The following ZDHHC19 variants were observed in gnomAD, a reference collection of about 807,000 sequenced individuals.
ZDHHC19 encodes palmitoyltransferase ZDHHC19.
ZDHHC19 carries 30 observed loss-of-function variants against 33.9 expected under a neutral mutation model. That is an observed-to-expected ratio of 0.88 (90% CI 0.66 to 1.20). The LOEUF (loss-of-function observed/expected upper bound fraction) is 1.20. Ranked by LOEUF, ZDHHC19 falls within the 50% of genes most tolerant of loss-of-function variation. ZDHHC19 has a pLI of 0.00. For synonymous variants in ZDHHC19, 178 were observed against 167.6 expected, an observed-to-expected ratio of 1.06 and a Z score of -0.48; for missense variants, 364 against 401.1, an observed-to-expected ratio of 0.91 and a Z score of 0.79.
In ZDHHC19 at chr3:196,208,633, G is replaced by C. The variant is rs1722977613; in HGVS notation, c.409-73C>G. 51 of 1,539,338 alleles carry C rather than the reference G, an allele frequency of 3.3e-5. No individual in the cohort carries two copies. The South Asian group carries it at 6.1e-4, about 18-fold the overall frequency. On this transcript the variant is annotated intron_variant, in intron 3 of 7. Coordinates refer to ENST00000296326, the MANE Select transcript of ZDHHC19 (RefSeq NM_001039617.2). ...CAAATTCCATCACCCCAAATCCTGA[G>C]GCCCTCCCCCTGCCTTCTAGGCCAC...
At chr3:196,202,682 T>G (rs545549169) in intron 5 of ZDHHC19, among the ~76,000 whole-genome samples, 13 of 152,278 alleles carry the variant, frequency 8.5e-5, no homozygotes, top group Admixed American at 7.8e-4. Flanking sequence ...GCGTGCAGTT[T>G]CACAAGCTCA....
In ZDHHC19 at chr3:196,198,818, A is replaced by G; in HGVS notation, c.744T>C (p.Tyr248=). ...PFDQGCASNW[Y]LTICAPLGPK... ...GTCCCAGTGGTGCACAAATTGTTAA[A>G]TACCAGTTGCTGGCACAGCCCTGGT... Residue 248 remains tyrosine (Y), a synonymous_variant, in exon 6 of 8, where the codon TAT becomes TAC. Coordinates refer to ENST00000296326, the MANE Select transcript of ZDHHC19 (RefSeq NM_001039617.2). 1 of 1,614,126 alleles carries G rather than the reference A, an allele frequency of 6.2e-7. No individual in the cohort carries two copies. Among genetic ancestry groups the G allele is most frequent in the East Asian group, 2.2e-5 (1 of 44,884 alleles).
chr3:196,205,818 C>G (rs1042834279), intron 5 of ZDHHC19, among the ~76,000 whole-genome samples: 3 of 152,102 alleles, frequency 2.0e-5, no homozygotes, highest in Admixed American at 6.6e-5. Flanking sequence ...TGCCACCATG[C>G]CTGGCTAATT....
In ZDHHC19 at chr3:196,206,766, C is replaced by T. The variant is rs150526315; in HGVS notation, c.687+632G>A. Among the ~76,000 whole-genome samples, 901 of 151,314 alleles carry T rather than the reference C, an allele frequency of 6.0e-3. 13 individuals are homozygous for T. The highest frequency in any genetic ancestry group is 0.02 in the African/African-American group (807 of 41,138). ...TACGATCTGGGCTCACTGCAAGCTC[C>T]GCCTCTCCGGTTCACGCCATTCCCC... On this transcript the variant is annotated intron_variant, in intron 5 of 7. Coordinates refer to ENST00000296326, the MANE Select transcript of ZDHHC19 (RefSeq NM_001039617.2).
intron 3 of ZDHHC19, chr3:196,208,804 C>A (rs531836337): frequency 1.2e-4 from 60 of 519,184 alleles, no homozygotes; most frequent in African/African-American, 1.1e-3. Flanking sequence ...AGAAGACTGG[C>A]CTGGCCTTCT....
At chr3:196,200,556 G>A (rs67751943) in intron 5 of ZDHHC19, among the ~76,000 whole-genome samples, 74,053 of 148,532 alleles carry the variant, frequency 0.5, 18,955 homozygotes, top group Middle Eastern at 0.54. Context: ...GGGTTTCACC[G>A]TGTTAGCCAG....
Position 196,209,564 on chromosome 3 carries a change from C to T in ZDHHC19, c.269-49G>A, listed in dbSNP as rs751830318. On this transcript the variant is annotated intron_variant, in intron 2 of 7. Coordinates refer to ENST00000296326, the MANE Select transcript of ZDHHC19 (RefSeq NM_001039617.2). ...ACAGCAGAAGGCCCTGCGGTCACCC[C>T]GCGGCGGGGGCAGCTCCACGGCATC... 1.2e-5 allele frequency: 19 copies of T among 1,591,100 alleles called. No individual in the cohort carries two copies. The East Asian group carries it at 2.0e-4, about 17-fold the overall frequency.
At chr3:196,200,510 A>G (rs1056491411) in intron 5 of ZDHHC19, among the ~76,000 whole-genome samples, 13 of 149,864 alleles carry the variant, frequency 8.7e-5, no homozygotes, top group East Asian at 3.9e-4. Flanking sequence ...GCTCGCCACC[A>G]CGCCCAGCTA....
Position 196,208,687 on chromosome 3 carries a change from C to A in ZDHHC19, c.409-127G>T, listed in dbSNP as rs527863612. On this transcript the variant is annotated intron_variant, in intron 3 of 7. Transcript: ENST00000296326. ...CCCTTGGCCCATGCACTGGCTTCCA[C>A]CCCCAGGGAGAAACTGAGCCACAGA... The A allele has an allele frequency of 1.3e-4, 138 of 1,097,666 alleles. 3 individuals carry two copies. In the East Asian group the frequency reaches 2.1e-3, roughly 17 times the overall value. 68.0% of individuals were successfully genotyped at this position (1,097,666 alleles called of 1,614,324 possible).
chr3:196,200,385 T>C lies in ZDHHC19; in HGVS notation c.688-1511A>G, dbSNP rs9877532. Among the ~76,000 whole-genome samples, 265 of 146,920 alleles carry C rather than the reference T, an allele frequency of 1.8e-3. 4 individuals carry two copies. The highest frequency in any genetic ancestry group is 4.5e-3 in the African/African-American group (180 of 39,998). On this transcript the variant is annotated intron_variant, in intron 5 of 7. Transcript: ENST00000296326. The stretch of plus-strand genomic sequence containing the variant: ...TTTTTTTTTTTTTGAGATGGAGTCT[T>C]GCTCTGTCACCCAGGCTGGAGTGCA...
chr3:196,202,079 G>A, intron 5 of ZDHHC19, among the ~76,000 whole-genome samples: 1 of 152,150 alleles, frequency 6.6e-6, no homozygotes, highest in Non-Finnish European at 1.5e-5. Context: ...AGCACTTTGG[G>A]AGGCCAAGAT....
At chr3:196,205,210 T>C (rs1383944106) in intron 5 of ZDHHC19, among the ~76,000 whole-genome samples, 5 of 152,246 alleles carry the variant, frequency 3.3e-5, no homozygotes, top group East Asian at 3.8e-4. Flanking sequence ...CCAGTGTTTA[T>C]AGCAGCTTTA....
chr3:196,210,388 A>AAAGAAAG, intron 2 of ZDHHC19, among the ~76,000 whole-genome samples: 1 of 148,142 alleles, frequency 6.8e-6, no homozygotes, highest in Non-Finnish European at 1.5e-5. Context: ...GAGAGGAAGG[A>AAAGAAAG]AGGAAAGAAA....
rs1021495305 is a variant in ZDHHC19, at chr3:196,211,389, C to T, written c.-74G>A. 15 of 1,515,158 alleles carry T rather than the reference C, an allele frequency of 9.9e-6. 1 individual carries two copies. The highest frequency in any genetic ancestry group is 1.3e-5 in the Non-Finnish European group (15 of 1,129,424). 93.9% of individuals were successfully genotyped at this position (1,515,158 alleles called of 1,614,324 possible). On this transcript the variant is annotated 5_prime_UTR_variant, in exon 1 of 8. It removes an upstream start codon present in the reference 5' UTR. Coordinates refer to ENST00000296326, the MANE Select transcript of ZDHHC19 (RefSeq NM_001039617.2). Reference sequence around the variant, plus strand: ...TCCCCCAGCCCAGCTTCCAGAGCTCCATGGCCACGGCAGCCTCAGAGCCGC... The same window carrying T: ...TCCCCCAGCCCAGCTTCCAGAGCTCTATGGCCACGGCAGCCTCAGAGCCGC...
chr3:196,207,185 CCG>C (rs1390642752), intron 5 of ZDHHC19, among the ~76,000 whole-genome samples: 1 of 152,240 alleles, frequency 6.6e-6, no homozygotes, highest in Non-Finnish European at 1.5e-5. Flanking sequence ...AGAATCCAAA[CCG>C]CCTAGCACAC....
intron 6 of ZDHHC19, 132 bp downstream of exon 6, chr3:196,198,657 G>A (rs1721998662): frequency 1.3e-6 from 2 of 1,571,454 alleles, no homozygotes; most frequent in South Asian, 1.2e-5. Context: ...AGCTCCCAGT[G>A]CCCTGGAGAA....
chr3:196,198,927 G>C, intron 5 of ZDHHC19, 53 bp from the exon 6 acceptor site: 1 of 1,583,814 alleles, frequency 6.3e-7, no homozygotes, highest in East Asian at 2.2e-5. Context: ...GGAATGGCTG[G>C]GCCATCGCCC....
intron 4 of ZDHHC19, 59 bp downstream of exon 4, chr3:196,208,326 CTCT>C: frequency 6.4e-7 from 1 of 1,552,638 alleles, no homozygotes; most frequent in Non-Finnish European, 8.7e-7. Context: ...TAGCCCCGCC[CTCT>C]GCAGCCCCCT....
Position 196,209,482 on chromosome 3 carries a change from A to G in ZDHHC19, c.302T>C (p.Val101Ala). 2 of 1,612,908 alleles carry G rather than the reference A, an allele frequency of 1.2e-6. No homozygotes were observed. Among genetic ancestry groups the G allele is most frequent in the South Asian group, 2.2e-5 (2 of 90,854 alleles). The change falls in exon 3 of 8, where the codon GTG (valine) becomes GCG (alanine). Residue 101 changes from valine to alanine, a missense_variant. By Grantham distance (64) the Val-to-Ala change is moderately conservative. Transcript: ENST00000296326. ...SAEQGPLTVH[V>A]VWVNHGAFRL... ...GAAGGCCCCGTGGTTCACCCACACCACGTGCACCGTCAAGGGGCCCTGCTC... is the reference window on the plus strand; with the variant it reads ...GAAGGCCCCGTGGTTCACCCACACCGCGTGCACCGTCAAGGGGCCCTGCTC...
Sources: allele counts gnomAD v4.1 joint callset (sites outside exome capture counted in the v4.1 genomes callset), GRCh38; gene constraint gnomAD v4.1.1; transcripts MANE v1.5; gene names NCBI Gene and HGNC (gene_info 2026-07-23, HGNC 2026-07-21).